The following WDR27 variants were observed in gnomAD, a reference collection of about 807,000 sequenced individuals.
WDR27 encodes the protein WD repeat domain 27.
WDR27 carries 100 observed loss-of-function variants against 114.4 expected under a neutral mutation model. That is an observed-to-expected ratio of 0.87 (90% CI 0.74 to 1.03). The LOEUF is 1.03. WDR27 is among the 50% of genes least tolerant of loss of function. The pLI is 0.00. For missense variants in WDR27, 1,129 were observed against 1,092.9 expected, an observed-to-expected ratio of 1.03 and a Z score of -0.47; for synonymous variants, 449 against 423.1, an observed-to-expected ratio of 1.06 and a Z score of -0.75.
chr6:169,533,841 G>GTT (rs1282846838), intron 25 of WDR27, among the ~76,000 whole-genome samples: 1 of 152,004 alleles, frequency 6.6e-6, no homozygotes, highest in Non-Finnish European at 1.5e-5. Flanking sequence ...GTGTGTGTGT[G>GTT]TGTGTGTGCA....
At chr6:169,648,812 G>T (rs1455171396) in intron 15 of WDR27, among the ~76,000 whole-genome samples, 5 of 152,218 alleles carry the variant, frequency 3.3e-5, no homozygotes, top group Non-Finnish European at 7.3e-5. Context: ...AGCCAGTCCC[G>T]TGGACAGGTG....
At chr6:169,478,379 C>T (rs1787483294) in intron 25 of WDR27, among the ~76,000 whole-genome samples, 1 of 152,046 alleles carries the variant, frequency 6.6e-6, no homozygotes. Context: ...GTCAAAAATT[C>T]TTATTGAGTA....
At chr6:169,697,184 G>A (rs1394393614) in intron 1 of WDR27, among the ~76,000 whole-genome samples, 3 of 152,028 alleles carry the variant, frequency 2.0e-5, no homozygotes, top group East Asian at 1.9e-4. Context: ...AATAATACTC[G>A]CTCTATAATC....
chr6:169,660,292 G>T, intron 10 of WDR27, among the ~76,000 whole-genome samples: 1 of 152,294 alleles, frequency 6.6e-6, no homozygotes, highest in South Asian at 2.1e-4. Context: ...GCCTCGGCCG[G>T]GTTTACGCTG....
intron 17 of WDR27, among the ~76,000 whole-genome samples, chr6:169,639,441 T>C (rs1240494457): frequency 1.3e-5 from 2 of 152,086 alleles, no homozygotes; most frequent in African/African-American, 4.8e-5. Flanking sequence ...TATCAGTATT[T>C]TAAAGAACTG....
intron 13 of WDR27, among the ~76,000 whole-genome samples, chr6:169,653,721 A>G (rs1176346271): frequency 4.6e-5 from 7 of 152,210 alleles, no homozygotes; most frequent in Non-Finnish European, 8.8e-5. Flanking sequence ...TCATTTTGTA[A>G]AAAGGGAAAA....
intron 2 of WDR27, among the ~76,000 whole-genome samples, chr6:169,680,609 T>C (rs1342113886): frequency 6.6e-6 from 1 of 152,224 alleles, no homozygotes; most frequent in South Asian, 2.1e-4. Context: ...ATTTTTCTTA[T>C]TGTTTAAATA....
the WDR27 span, among the ~76,000 whole-genome samples, chr6:169,446,788 A>C: frequency 7.2e-5 from 11 of 152,342 alleles, no homozygotes; most frequent in African/African-American, 2.6e-4. Context: ...AGTCACTGTG[A>C]TAACCACTTG....
At chr6:169,681,463 C>T (rs1450526156) in intron 2 of WDR27, among the ~76,000 whole-genome samples, 1 of 152,220 alleles carries the variant, frequency 6.6e-6, no homozygotes, top group Non-Finnish European at 1.5e-5. Context: ...AGACCCACAC[C>T]TAGGTGGCTG....
intron 14 of WDR27, among the ~76,000 whole-genome samples, chr6:169,650,163 T>TCCCCA (rs1821946424): frequency 7.5e-6 from 1 of 133,786 alleles, no homozygotes; most frequent in Non-Finnish European, 1.6e-5. Flanking sequence ...CATCCCTCCA[T>TCCCCA]CCATCCCTCT....
At chr6:169,696,653 G>A (rs968049777) in intron 1 of WDR27, among the ~76,000 whole-genome samples, 28 of 152,306 alleles carry the variant, frequency 1.8e-4, no homozygotes, top group African/African-American at 6.3e-4. Context: ...AGTGGCTCAC[G>A]CCTGTATTCC....
At chr6:169,589,004 C>G (rs1487284799) in intron 23 of WDR27, among the ~76,000 whole-genome samples, 2 of 152,162 alleles carry the variant, frequency 1.3e-5, no homozygotes, top group South Asian at 4.1e-4. Context: ...ACTAGGCTGC[C>G]AAAGACAACT....
chr6:169,543,932 A>G (rs1797121429), intron 25 of WDR27, among the ~76,000 whole-genome samples: 1 of 152,242 alleles, frequency 6.6e-6, no homozygotes, highest in Non-Finnish European at 1.5e-5. Context: ...AGTCATGCAG[A>G]TTTCAAATAT....
chr6:169,426,978 G>GGGC, the WDR27 span: 52,279 of 144,554 alleles, frequency 0.36, 12,668 homozygotes, highest in Non-Finnish European at 0.53. Flanking sequence ...GGCAGTGGGG[G>GGGC]GGGGGTGGCG....
intron 25 of WDR27, among the ~76,000 whole-genome samples, chr6:169,565,123 G>A (rs775103990): frequency 7.9e-5 from 12 of 152,158 alleles, no homozygotes; most frequent in Non-Finnish European, 1.6e-4. Flanking sequence ...CTTACACGGC[G>A]GGAGATGTGT....
intron 13 of WDR27, among the ~76,000 whole-genome samples, chr6:169,657,515 G>A (rs1824567211): frequency 1.3e-5 from 2 of 152,220 alleles, no homozygotes; most frequent in Admixed American, 6.5e-5. Context: ...GCAGCTACCA[G>A]GCAGAAGGTG....
At chr6:169,646,861 T>C (rs760532365) in intron 16 of WDR27, among the ~76,000 whole-genome samples, 2 of 152,214 alleles carry the variant, frequency 1.3e-5, no homozygotes, top group Non-Finnish European at 2.9e-5. Context: ...GAAGGACATT[T>C]ACTGATAATA....
intron 25 of WDR27, among the ~76,000 whole-genome samples, chr6:169,502,059 C>T (rs113883597): frequency 2.6e-5 from 4 of 152,184 alleles, no homozygotes; most frequent in South Asian, 2.1e-4. Flanking sequence ...CGGAGCCGCA[C>T]GCACCACCTC....
At chr6:169,690,323 T>C (rs1784159687) in intron 1 of WDR27, among the ~76,000 whole-genome samples, 1 of 152,234 alleles carries the variant, frequency 6.6e-6, no homozygotes, top group African/African-American at 2.4e-5. Flanking sequence ...TGAGAGATTC[T>C]GCTAACCCAG....
Sources: gnomAD v4.1 joint callset for allele counts (sites outside exome capture counted in the v4.1 genomes callset) on GRCh38, gnomAD v4.1.1 for gene constraint, MANE v1.5 for transcripts, NCBI Gene and HGNC (gene_info 2026-07-23, HGNC 2026-07-21) for gene names.